Variants in GRK4 observed in about 807,000 individuals in gnomAD.
GRK4 encodes the protein G protein-coupled receptor kinase 2-like.
GRK4 carries 73 observed loss-of-function variants against 77.9 expected under a neutral mutation model. The ratio of observed to expected loss-of-function variants is 0.94; its 90% CI spans 0.78 to 1.14. GRK4 has a LOEUF of 1.14. Ranked by LOEUF, GRK4 falls within the 50% of genes most tolerant of loss-of-function variation. The probability of loss-of-function intolerance (pLI) is 0.00; values close to 1 mark genes in which losing one functional copy is unlikely to be tolerated. For missense variants in GRK4, 729 were observed against 700.2 expected (o/e 1.04, Z -0.46); for synonymous variants, 257 against 254.4 (o/e 1.01, Z -0.10).
chr4:3,002,007 A>T (rs1318075526), intron 4 of GRK4, among the ~76,000 whole-genome samples: 1 of 152,188 alleles, frequency 6.6e-6, no homozygotes, highest in African/African-American at 2.4e-5. Flanking sequence ...AGGGTTAAGG[A>T]GAGCAGGGCC....
At chr4:2,964,404 C>G (rs1026994134) in intron 1 of GRK4, among the ~76,000 whole-genome samples, 7 of 152,126 alleles carry the variant, frequency 4.6e-5, no homozygotes, top group African/African-American at 1.7e-4. Flanking sequence ...CTTGTCCTGT[C>G]CTCTCGGTGT....
In GRK4 at chr4:3,037,467, G is replaced by T; in HGVS notation, c.1501G>T (p.Ala501Ser). Residue 501 changes from alanine (A) to serine (S), a missense_variant, in exon 14 of 16, where the codon GCT becomes TCT. Ala to Ser is a moderately conservative substitution (Grantham distance 99, BLOSUM62 1). Transcript: ENST00000398052. ...GGACACCGCAGATGAAGACTTCTAT[G>T]CTCGGTTTGCTACCGGGTGTGTCTC... ...YLDTADEDFYARFATGCVSIP... is the reference protein window; with the variant it reads ...YLDTADEDFYSRFATGCVSIP... 1.2e-6 allele frequency: 2 copies of T among 1,611,170 alleles called. No individual in the cohort carries two copies. The highest frequency in any genetic ancestry group is 1.1e-5 in the South Asian group (1 of 91,030).
At chr4:2,986,716 T>C in intron 2 of GRK4, 1 of 205,210 alleles carries the variant, frequency 4.9e-6, no homozygotes, top group Non-Finnish European at 1.0e-5. Context: ...TATCAGTCTT[T>C]TCCTGGTTAG....
chr4:3,039,636 T>C (rs1741830312), intron 15 of GRK4, among the ~76,000 whole-genome samples: 1 of 145,906 alleles, frequency 6.9e-6, no homozygotes, highest in Non-Finnish European at 1.5e-5. Context: ...AGGCGGAGGT[T>C]ACAGGGAGCC....
chr4:2,995,506 T>TAAAAAAA (rs35993504), intron 4 of GRK4, among the ~76,000 whole-genome samples: 2 of 93,980 alleles, frequency 2.1e-5, no homozygotes, highest in Admixed American at 1.2e-4. Flanking sequence ...TCATCTCTAC[T>TAAAAAAA]AAAAAAAAAA....
intron 4 of GRK4, among the ~76,000 whole-genome samples, chr4:3,002,396 G>T (rs1730086032): frequency 6.6e-6 from 1 of 152,054 alleles, no homozygotes; most frequent in South Asian, 2.1e-4. Context: ...TTGAGCTCAG[G>T]AGTTCAAGAC....
intron 15 of GRK4, among the ~76,000 whole-genome samples, chr4:3,039,435 C>T (rs1316747789): frequency 2.6e-5 from 4 of 151,672 alleles, no homozygotes; most frequent in Admixed American, 1.3e-4. Context: ...TGGTGGCTCA[C>T]GCCTGTAATC....
At chr4:3,035,283 C>A in intron 12 of GRK4, 103 bp from the exon 13 acceptor site, 2 of 1,145,690 alleles carry the variant, frequency 1.7e-6, no homozygotes, top group Non-Finnish European at 2.6e-6. Context: ...TTAGATGCAC[C>A]TGCTCTGCCC....
intron 1 of GRK4, chr4:2,966,036 G>A (rs6841142): frequency 6.3e-6 from 1 of 157,852 alleles, no homozygotes; most frequent in Non-Finnish European, 1.4e-5. Flanking sequence ...TAGATAATGA[G>A]ATAAATACAA....
intron 6 of GRK4, 116 bp downstream of exon 6, chr4:3,007,944 A>G (rs1041365629): frequency 2.3e-5 from 15 of 651,434 alleles, no homozygotes; most frequent in Non-Finnish European, 4.0e-5. Context: ...TCAAGGCTAT[A>G]GTACGGGATG....
At chr4:2,972,736 T>A (rs987637590) in intron 1 of GRK4, among the ~76,000 whole-genome samples, 2 of 152,008 alleles carry the variant, frequency 1.3e-5, no homozygotes, top group Non-Finnish European at 2.9e-5. Flanking sequence ...ATTTACTCTT[T>A]AAAAAAATTT....
At chr4:3,040,162 C>G (rs757015452) in intron 15 of GRK4, among the ~76,000 whole-genome samples, 3 of 152,102 alleles carry the variant, frequency 2.0e-5, no homozygotes, top group Admixed American at 1.3e-4. Flanking sequence ...GCCCCCTGGC[C>G]GGGCACGCTG....
chr4:3,007,731 TC>T lies in GRK4; in HGVS notation c.444-4del. The T allele has an allele frequency of 1.3e-6, 2 of 1,562,476 alleles. No homozygotes were observed. Among genetic ancestry groups the T allele is most frequent in the South Asian group, 2.4e-5 (2 of 84,314 alleles). ...TGTATATAATTTTAAAAAATCTTTT[TC>T]TAGAGTTGCCCATAACTACCTAAGA... On this transcript the variant is annotated splice_region_variant and splice_polypyrimidine_tract_variant and intron_variant, in intron 5 of 15. Coordinates refer to ENST00000398052, the MANE Select transcript of GRK4 (RefSeq NM_182982.3).
Position 3,007,770 on chromosome 4 carries a change from G to A in GRK4, c.478G>A (p.Glu160Lys), listed in dbSNP as rs576986799. The A allele has an allele frequency of 1.9e-6, 3 of 1,611,262 alleles. No homozygotes were observed. In the African/African-American group the frequency reaches 4.0e-5, roughly 21 times the overall value. The stretch of plus-strand genomic sequence containing the variant: ...TAACTACCTAAGAGGGGAACCATTT[G>A]AAGAATACCAAGAAAGCTCATATTT... ...AHNYLRGEPF[E>K]EYQESSYFSQ... Residue 160 changes from glutamate (E) to lysine (K), a missense_variant, in exon 6 of 16, where the codon GAA becomes AAA. Transcript: ENST00000398052.
At chr4:3,013,478 T>C (rs1395485975) in intron 7 of GRK4, among the ~76,000 whole-genome samples, 1 of 152,214 alleles carries the variant, frequency 6.6e-6, no homozygotes, top group African/African-American at 2.4e-5. Flanking sequence ...GTTCCATTTG[T>C]ACACTGTCTT....
chr4:3,030,647 G>T (rs1289173785), intron 12 of GRK4, among the ~76,000 whole-genome samples: 1 of 151,986 alleles, frequency 6.6e-6, no homozygotes, highest in Non-Finnish European at 1.5e-5. Flanking sequence ...GCTCTAGGGG[G>T]TGAGAGGGGG....
intron 13 of GRK4, among the ~76,000 whole-genome samples, chr4:3,036,950 T>G (rs950214190): frequency 6.6e-6 from 1 of 152,158 alleles, no homozygotes; most frequent in Non-Finnish European, 1.5e-5. Flanking sequence ...TGCTGCATCT[T>G]CCAATACGTG....
chr4:2,990,195 T>C (rs1725692833), intron 3 of GRK4, among the ~76,000 whole-genome samples: 1 of 151,660 alleles, frequency 6.6e-6, no homozygotes, highest in Non-Finnish European at 1.5e-5. Context: ...CTCCCAGTCC[T>C]TTCCTTTCTG....
chr4:3,023,246 C>G (rs573449765), intron 10 of GRK4, among the ~76,000 whole-genome samples: 60 of 152,264 alleles, frequency 3.9e-4, no homozygotes, highest in African/African-American at 1.2e-3. Flanking sequence ...GCACACTCCA[C>G]CTTGGTTCCT....
Sources: gnomAD v4.1 joint callset for allele counts (sites outside exome capture counted in the v4.1 genomes callset) on GRCh38, gnomAD v4.1.1 for gene constraint, MANE v1.5 for transcripts, NCBI Gene and HGNC (gene_info 2026-07-23, HGNC 2026-07-21) for gene names.